Variants in RBFOX1 observed in about 807,000 individuals in gnomAD.
The protein encoded by RBFOX1 is RNA binding protein fox-1 homolog 1.
A neutral mutation model predicts 57.7 loss-of-function variants in RBFOX1; 8 were observed. That is an observed-to-expected ratio of 0.14 (90% CI 0.08 to 0.25). The LOEUF (loss-of-function observed/expected upper bound fraction) is 0.25. Ranked by LOEUF, RBFOX1 falls within the 10% of genes least tolerant of loss-of-function variation. RBFOX1 has a pLI of 1.00. For synonymous variants in RBFOX1, 326 were observed against 222.4 expected (o/e 1.47, Z -4.15); for missense variants, 611 against 548.5 (o/e 1.11, Z -1.14).
chr16:6,105,030 G>A (rs908458611), intron 1 of RBFOX1, among the ~76,000 whole-genome samples: 10 of 152,262 alleles, frequency 6.6e-5, no homozygotes, highest in South Asian at 4.1e-4. Flanking sequence ...TTGCTTCTTA[G>A]ATTTGCTTTG....
chr16:6,832,856 C>G (rs915645986), intron 3 of RBFOX1, among the ~76,000 whole-genome samples: 1 of 152,238 alleles, frequency 6.6e-6, no homozygotes, highest in Non-Finnish European at 1.5e-5. Flanking sequence ...AACTACGTAT[C>G]AAAGCCTGTG....
At chr16:6,073,365 A>T (rs749320232) in intron 1 of RBFOX1, among the ~76,000 whole-genome samples, 1 of 152,204 alleles carries the variant, frequency 6.6e-6, no homozygotes, top group African/African-American at 2.4e-5. Flanking sequence ...GGGATGGGTC[A>T]TGGGCCCCAG....
chr16:5,475,811 T>G (rs149615860), intron 2 of RBFOX1, among the ~76,000 whole-genome samples: 63 of 152,310 alleles, frequency 4.1e-4, no homozygotes, highest in African/African-American at 1.4e-3. Flanking sequence ...ATTTTTATTT[T>G]TATTTTAAGA....
chr16:6,926,600 C>T lies in RBFOX1; in HGVS notation c.-15-125457C>T, dbSNP rs572915065. Among the ~76,000 whole-genome samples the T allele has an allele frequency of 3.9e-5, 6 of 152,278 alleles. No individual in the cohort carries two copies. The East Asian group carries it at 7.7e-4, about 20-fold the overall frequency. The stretch of plus-strand genomic sequence containing the variant: ...TTTGAAAGATAATGCTAGTTGCATG[C>T]TGGGGCTGTCTCCTCCCTTTGTCTT... On this transcript the variant is annotated intron_variant, in intron 3 of 15. Coordinates refer to ENST00000550418, the MANE Select transcript of RBFOX1 (RefSeq NM_018723.4).
intron 2 of RBFOX1, among the ~76,000 whole-genome samples, chr16:6,516,952 G>A (rs1489586763): frequency 5.3e-5 from 8 of 152,152 alleles, no homozygotes; most frequent in Admixed American, 2.6e-4. Flanking sequence ...CCACAAATAT[G>A]CTCTGGGGGC....
intron 3 of RBFOX1, among the ~76,000 whole-genome samples, chr16:7,042,671 A>T (rs1481044197): frequency 6.6e-6 from 1 of 152,240 alleles, no homozygotes. Context: ...TGCGCCTGTA[A>T]TGCCAGCAGT....
intron 14 of RBFOX1, among the ~76,000 whole-genome samples, chr16:7,703,569 T>G (rs1011365950): frequency 2.0e-5 from 3 of 152,222 alleles, no homozygotes; most frequent in African/African-American, 7.2e-5. Flanking sequence ...GTGTTCTTAC[T>G]GTGGCCCTAT....
chr16:5,517,646 C>G (rs918755082), intron 2 of RBFOX1, among the ~76,000 whole-genome samples: 5 of 152,164 alleles, frequency 3.3e-5, no homozygotes, highest in Non-Finnish European at 5.9e-5. Context: ...TTTGGCATCT[C>G]AAATAGATTG....
At chr16:6,147,992 T>C (rs1177702492) in intron 1 of RBFOX1, among the ~76,000 whole-genome samples, 1 of 152,186 alleles carries the variant, frequency 6.6e-6, no homozygotes, top group East Asian at 1.9e-4. Context: ...CTGTTGCCAT[T>C]CTCAGACCCT....
chr16:7,204,565 G>C (rs1000964746), intron 4 of RBFOX1, among the ~76,000 whole-genome samples: 4 of 152,164 alleles, frequency 2.6e-5, no homozygotes, highest in Non-Finnish European at 5.9e-5. Context: ...AGAATCACTT[G>C]AGCCTGGGAG....
chr16:7,301,472 C>T lies in RBFOX1; in HGVS notation c.28-216675C>T, dbSNP rs144990616. Among the ~76,000 whole-genome samples the T allele has an allele frequency of 4.8e-3, 730 of 152,256 alleles. 5 individuals are homozygous for T. The highest frequency in any genetic ancestry group is 7.0e-3 in the Non-Finnish European group (477 of 68,022). ...ACTTAAGTTTAAGGGAATGTCAGAG[C>T]CGTTATTGCAAGATGGATCTGTGGG... On this transcript the variant is annotated intron_variant, in intron 4 of 15. Coordinates refer to ENST00000550418, the MANE Select transcript of RBFOX1 (RefSeq NM_018723.4).
chr16:5,905,475 G>A (rs2058435316), intron 4 of RBFOX1, among the ~76,000 whole-genome samples: 1 of 152,146 alleles, frequency 6.6e-6, no homozygotes, highest in Non-Finnish European at 1.5e-5. Context: ...ATTTTGGGAG[G>A]CTGAGGTGGA....
intron 3 of RBFOX1, among the ~76,000 whole-genome samples, chr16:5,630,085 CCACTT>C: frequency 6.6e-6 from 1 of 152,296 alleles, no homozygotes; most frequent in African/African-American, 2.4e-5. Context: ...CTATCTTTAT[CCACTT>C]CTCAAAAGTC....
At chr16:5,989,192 G>A (rs753851071) in intron 4 of RBFOX1, among the ~76,000 whole-genome samples, 38 of 151,658 alleles carry the variant, frequency 2.5e-4, no homozygotes, top group Non-Finnish European at 2.2e-4. Flanking sequence ...TTAGCTGGGC[G>A]TGGTGGCAGG....
chr16:6,250,362 C>G (rs745357885), intron 1 of RBFOX1, among the ~76,000 whole-genome samples: 6 of 152,146 alleles, frequency 3.9e-5, no homozygotes, highest in South Asian at 2.1e-4. Context: ...AGCGAACTAC[C>G]TCATGACTAG....
At chr16:7,082,267 G>A (rs753097506) in intron 4 of RBFOX1, among the ~76,000 whole-genome samples, 8 of 152,060 alleles carry the variant, frequency 5.3e-5, no homozygotes, top group South Asian at 2.1e-4. Context: ...GTCAAGTGAT[G>A]TCCTGTAAAC....
intron 3 of RBFOX1, among the ~76,000 whole-genome samples, chr16:6,764,170 A>G (rs1387728573): frequency 6.6e-6 from 1 of 152,148 alleles, no homozygotes; most frequent in East Asian, 1.9e-4. Flanking sequence ...CTTAAGCTCT[A>G]GGTGCCCTCA....
intron 15 of RBFOX1, chr16:7,709,424 C>T (rs186460021): frequency 3.5e-5 from 46 of 1,319,172 alleles, no homozygotes; most frequent in Middle Eastern, 3.8e-4. Flanking sequence ...CCATCACTAA[C>T]AGAATGCAGT....
chr16:6,107,603 G>C (rs554969678), intron 1 of RBFOX1, among the ~76,000 whole-genome samples: 3 of 151,886 alleles, frequency 2.0e-5, no homozygotes, highest in African/African-American at 7.3e-5. Flanking sequence ...ATGGATGCAC[G>C]GATGGATGGA....
Sources: gnomAD v4.1 joint callset for allele counts (sites outside exome capture counted in the v4.1 genomes callset) on GRCh38, gnomAD v4.1.1 for gene constraint, MANE v1.5 for transcripts, NCBI Gene and HGNC (gene_info 2026-07-23, HGNC 2026-07-21) for gene names.